Variants in ZNF711 observed in about 807,000 individuals in gnomAD.
ZNF711 encodes the protein zinc finger protein 711.
ZNF711 carries 3 observed loss-of-function variants against 43.5 expected under a neutral mutation model. The observed-to-expected ratio is 0.07, with a 90% CI of 0.03 to 0.18. ZNF711 has a LOEUF of 0.18. Among genes scored for constraint, ZNF711 ranks in the 10% least tolerant of loss-of-function variants. ZNF711 has a pLI of 1.00. For missense variants in ZNF711, 412 were observed against 604.0 expected, an observed-to-expected ratio of 0.68 and a Z score of 3.33; for synonymous variants, 209 against 207.7, an observed-to-expected ratio of 1.01 and a Z score of -0.06.
In ZNF711 at chrX:85,271,332, A is replaced by G. The variant is rs769213877; in HGVS notation, c.1928A>G (p.His643Arg). 6.6e-6 allele frequency: 8 copies of G among 1,210,753 alleles called. No individual in the cohort carries two copies. Among genetic ancestry groups the G allele is most frequent in the African/African-American group, 1.7e-5 (1 of 57,796 alleles). ...HKTHQCPHCD[H>R]KSTNSSDLKR... ...ACACACCAGTGTCCTCATTGTGACC[A>G]TAAGAGCACCAATTCAAGTGACCTT... Residue 643 changes from histidine (H) to arginine (R), a missense_variant, in exon 11 of 11, where the codon CAT (histidine) becomes CGT (arginine). By Grantham distance (29) the His-to-Arg change is conservative. Around this residue, in one of 4 missense-constraint regions of ZNF711, gnomAD observed 375 missense variants for 514.2 expected, o/e 0.73. Transcript: ENST00000674551.
At chrX:85,259,881 T>G (rs912683425) in intron 5 of ZNF711, among the ~76,000 whole-genome samples, 6 of 111,603 alleles carry the variant, frequency 5.4e-5, no homozygotes, top group South Asian at 3.7e-4. Context: ...CTTTTATTTC[T>G]TTCTCTTGCC....
chrX:85,273,183 A>G lies in ZNF711; in HGVS notation c.*1355A>G, dbSNP rs1384421310. On this transcript the variant is annotated 3_prime_UTR_variant, in exon 11 of 11. Coordinates refer to ENST00000674551, the MANE Select transcript of ZNF711 (RefSeq NM_001330574.2). ...ATAAGAATCAGTTCCTTGAGAATAA[A>G]TTTTTTATCTTTCTTAACTTCAGAA... 8.9e-6 allele frequency: 1 copy of G among 111,739 alleles called. No individual in the cohort carries two copies. Among genetic ancestry groups the G allele is most frequent in the Non-Finnish European group, 1.9e-5 (1 of 52,934 alleles). The allele number at this position is 111,739 out of a possible 1,213,427, so 9.2% of individuals were successfully genotyped here.
At chrX:85,255,196 A>T in intron 4 of ZNF711, 63 bp from the exon 5 acceptor site, 1 of 1,007,950 alleles carries the variant, frequency 9.9e-7, no homozygotes, top group Non-Finnish European at 1.4e-6. Flanking sequence ...TTGATTTATT[A>T]AATACAGTAC....
At chrX:85,267,245 G>T in intron 7 of ZNF711, 33 bp from the exon 8 acceptor site, 1 of 1,058,955 alleles carries the variant, frequency 9.4e-7, no homozygotes, top group Non-Finnish European at 1.2e-6. Context: ...AAATATTTGG[G>T]GTTATAAACA....
intron 5 of ZNF711, among the ~76,000 whole-genome samples, chrX:85,258,566 A>AAAT (rs752018307): frequency 0.014 from 1,555 of 109,130 alleles, 18 homozygotes; most frequent in Middle Eastern, 0.033. Context: ...TGAACAAGCA[A>AAAT]AATAATAATA....
intron 4 of ZNF711, among the ~76,000 whole-genome samples, chrX:85,248,191 C>T (rs999419740): frequency 1.0e-5 from 1 of 97,873 alleles, no homozygotes; most frequent in South Asian, 4.6e-4. Context: ...AAAAAGAGGC[C>T]GGGCTTCGTG....
At chrX:85,269,338 CT>C (rs1209099328) in intron 9 of ZNF711, among the ~76,000 whole-genome samples, 1 of 107,710 alleles carries the variant, frequency 9.3e-6, no homozygotes, top group Non-Finnish European at 1.9e-5. Context: ...AATTCAGTTT[CT>C]TTTCTTTCTT....
chrX:85,247,164 C>G lies in ZNF711; in HGVS notation c.-51C>G, dbSNP rs1039989484. ...AGCCAGTGGATGAAATTCACTAATA[C>G]TAGACATCTGAGTCCTCTAGTAATG... On this transcript the variant is annotated 5_prime_UTR_variant, in exon 3 of 11. Coordinates refer to ENST00000674551, the MANE Select transcript of ZNF711 (RefSeq NM_001330574.2). 3.4e-6 allele frequency: 1 copy of G among 297,017 alleles called. No homozygotes were observed. Among genetic ancestry groups the G allele is most frequent in the Non-Finnish European group, 5.9e-6 (1 of 170,458 alleles). The allele number at this position is 297,017 out of a possible 1,213,427, so 24.5% of individuals were successfully genotyped here. A position where few individuals can be genotyped will look rare whatever the true frequency, so the allele number is the denominator to read the frequency against.
intron 9 of ZNF711, among the ~76,000 whole-genome samples, 169 bp downstream of exon 9, chrX:85,268,510 G>A (rs1038674150): frequency 2.7e-5 from 3 of 110,214 alleles, no homozygotes; most frequent in Admixed American, 9.7e-5. Context: ...ATTAATTTAT[G>A]TGTGGACATA....
chrX:85,270,788 T>C lies in ZNF711; in HGVS notation c.1384T>C (p.Cys462Arg). 1 of 1,203,062 alleles carries C rather than the reference T, an allele frequency of 8.3e-7. No individual in the cohort carries two copies. Among genetic ancestry groups the C allele is most frequent in the Non-Finnish European group, 1.1e-6 (1 of 890,427 alleles). The change falls in exon 11 of 11, where the codon TGT becomes CGT. Residue 462 changes from cysteine (C) to arginine (R), a missense_variant. Around this residue, in one of 4 missense-constraint regions of ZNF711, gnomAD observed 375 missense variants for 514.2 expected, o/e 0.73. Coordinates refer to ENST00000674551, the MANE Select transcript of ZNF711 (RefSeq NM_001330574.2). Reference protein sequence around the residue: ...PDHLMRKKYQCTDCDFTTNKK... With the variant: ...PDHLMRKKYQRTDCDFTTNKK... Reference sequence around the variant, plus strand: ...TCATTTAATGAGAAAAAAATATCAGTGTACAGATTGTGACTTTACAACTAA... The same window carrying C: ...TCATTTAATGAGAAAAAAATATCAGCGTACAGATTGTGACTTTACAACTAA...
At chrX:85,254,102 A>G (rs905213772) in intron 4 of ZNF711, among the ~76,000 whole-genome samples, 2 of 111,693 alleles carry the variant, frequency 1.8e-5, no homozygotes, top group Admixed American at 9.5e-5. Context: ...AATAGCTACT[A>G]TGAGCTGTTA....
chrX:85,255,584 T>C lies in ZNF711; in HGVS notation c.405T>C (p.Thr135=). The C allele has an allele frequency of 8.3e-7, 1 of 1,211,755 alleles. No homozygotes were observed. Among genetic ancestry groups the C allele is most frequent in the Non-Finnish European group, 1.1e-6 (1 of 895,432 alleles). Residue 135 remains threonine, a synonymous_variant, in exon 5 of 11, where the codon ACT becomes ACC. Coordinates refer to ENST00000674551, the MANE Select transcript of ZNF711 (RefSeq NM_001330574.2). The part of the protein sequence containing the change: ...PEQVFVADLV[T]GPNGHLEHVV... ...AGGTTTTCGTGGCTGACCTTGTTAC[T>C]GGTCCTAATGGACACTTAGAACATG... is the stretch of plus-strand genomic sequence containing the variant.
In ZNF711 at chrX:85,264,266, A is replaced by C. The variant is rs770789473; in HGVS notation, c.623-9A>C. 1 of 1,186,523 alleles carries C rather than the reference A, an allele frequency of 8.4e-7. No homozygotes were observed. Among genetic ancestry groups the C allele is most frequent in the African/African-American group, 1.8e-5 (1 of 56,503 alleles). On this transcript the variant is annotated splice_polypyrimidine_tract_variant and intron_variant, in intron 5 of 10. Transcript: ENST00000674551. ...TTTTGACTGAAATAATTTTGTTTAT[A>C]TTTTATAGTGGATGATGTTGGAGAA...
At chrX:85,256,260 GATA>G (rs1488326105) in intron 5 of ZNF711, among the ~76,000 whole-genome samples, 1 of 111,499 alleles carries the variant, frequency 9.0e-6, no homozygotes, top group Non-Finnish European at 1.9e-5. Context: ...CATAAACTCA[GATA>G]ATGTCCTACA....
At position 85,271,211 on chromosome X, in the gene ZNF711, G is replaced by A; in HGVS notation, c.1807G>A (p.Gly603Ser). 2 of 1,209,284 alleles carry A rather than the reference G, an allele frequency of 1.7e-6. No individual in the cohort carries two copies. The highest frequency in any genetic ancestry group is 5.9e-5 in the East Asian group (2 of 33,669). ...NLKTHIKSKH[G>S]NNLPYKCEHC... ...GAAAACTCACATTAAGTCTAAACAT[G>A]GTAACAATTTGCCATATAAATGTGA... Residue 603 changes from glycine (G) to serine (S), a missense_variant, in exon 11 of 11, where the codon GGT becomes AGT. This residue lies in a region of ZNF711 where 375 missense variants were observed against 514.2 expected (regional missense o/e 0.73). Transcript: ENST00000674551.
intron 4 of ZNF711, among the ~76,000 whole-genome samples, chrX:85,250,773 T>C (rs908352681): frequency 9.0e-6 from 1 of 111,705 alleles, no homozygotes; most frequent in African/African-American, 3.2e-5. Flanking sequence ...ACTTGAAATA[T>C]GTTAAGTTTC....
At chrX:85,255,902 A>G in intron 5 of ZNF711, 101 bp downstream of exon 5, 1 of 809,308 alleles carries the variant, frequency 1.2e-6, no homozygotes, top group Non-Finnish European at 1.7e-6. Context: ...GTTATAGGGG[A>G]ATCTTTTTGA....
chrX:85,265,019 T>G, intron 6 of ZNF711, 99 bp from the exon 7 acceptor site: 4 of 811,554 alleles, frequency 4.9e-6, no homozygotes. Flanking sequence ...TTTTGGAATT[T>G]ATTTTTTTTC....
chrX:85,256,704 ATAAAC>A (rs986025772), intron 5 of ZNF711, among the ~76,000 whole-genome samples: 1 of 111,538 alleles, frequency 9.0e-6, no homozygotes, highest in Non-Finnish European at 1.9e-5. Flanking sequence ...AAAACTGAAA[ATAAAC>A]TAAATTTATT....
Sources: gnomAD v4.1 joint callset for allele counts (sites outside exome capture counted in the v4.1 genomes callset) on GRCh38, gnomAD v4.1.1 for gene constraint, gnomAD v4.1.1 regional missense constraint, MANE v1.5 for transcripts, NCBI Gene and HGNC (gene_info 2026-07-23, HGNC 2026-07-21) for gene names.